The following BTBD9 variants were observed in gnomAD, a reference collection of about 807,000 sequenced individuals.
BTBD9 encodes BTB/POZ domain-containing protein 9.
A neutral mutation model predicts 64.3 loss-of-function variants in BTBD9; 49 were observed. The observed-to-expected ratio is 0.76, with a 90% CI of 0.61 to 0.97. The LOEUF is 0.97. BTBD9 is among the 50% of genes least tolerant of loss of function. The pLI is 0.00. For synonymous variants in BTBD9, 260 were observed against 274.7 expected (o/e 0.95, Z 0.53); for missense variants, 598 against 762.1 (o/e 0.78, Z 2.53).
In BTBD9 at chr6:38,369,694, C is replaced by G. The variant is rs572272302; in HGVS notation, c.1155-24601G>C. 2.0e-5 allele frequency among the ~76,000 whole-genome samples: 3 copies of G among 152,298 alleles called. No homozygotes were observed. The South Asian group carries it at 6.2e-4, about 32-fold the overall frequency. The stretch of plus-strand genomic sequence containing the variant: ...GAAGGAATACAAGAAATATCTTGGG[C>G]AAAATTGGAGCTTTAGCTCTGCTGC... On this transcript the variant is annotated intron_variant, in intron 6 of 10. Transcript: ENST00000481247.
chr6:38,395,475 C>T (rs11964509), intron 6 of BTBD9, among the ~76,000 whole-genome samples: 5,554 of 152,170 alleles, frequency 0.036, 352 homozygotes, highest in African/African-American at 0.13. Flanking sequence ...TGCTAGAAAG[C>T]GCCACCTATA....
intron 7 of BTBD9, among the ~76,000 whole-genome samples, chr6:38,338,333 T>C (rs1763975386): frequency 6.6e-6 from 1 of 152,188 alleles, no homozygotes; most frequent in Non-Finnish European, 1.5e-5. Context: ...TTAAAACTTA[T>C]GAATTGTTTA....
intron 6 of BTBD9, among the ~76,000 whole-genome samples, chr6:38,421,442 T>C (rs930106696): frequency 2.6e-5 from 4 of 152,252 alleles, no homozygotes; most frequent in African/African-American, 9.6e-5. Flanking sequence ...CATTTGTTTT[T>C]AAACATGTGT....
At chr6:38,397,196 C>T (rs1009862660) in intron 6 of BTBD9, among the ~76,000 whole-genome samples, 13 of 152,234 alleles carry the variant, frequency 8.5e-5, no homozygotes, top group Non-Finnish European at 1.6e-4. Flanking sequence ...GCCACTGCAC[C>T]GTCTCACTTG....
chr6:38,544,927 C>CAAAAAAAAAAAAAA (rs58694810), intron 6 of BTBD9, among the ~76,000 whole-genome samples: 1 of 48,300 alleles, frequency 2.1e-5, no homozygotes, highest in African/African-American at 7.5e-5. Flanking sequence ...AACTACATCT[C>CAAAAAAAAAAAAAA]AAAAAAAAAA....
rs200781823 is a variant in BTBD9 at position 38,316,408 on chromosome 6, A to AT, written c.1265-27948dup. ...TTCTGTCATCTTTTTAGTGAAGGTG[A>AT]TTTTTTCTGGTGCTATGTTTTAATT... is the stretch of plus-strand genomic sequence containing the variant. On this transcript the variant is annotated intron_variant, in intron 7 of 10. Transcript: ENST00000481247. 6.7e-3 allele frequency among the ~76,000 whole-genome samples: 1,017 copies of AT among 151,260 alleles called. 12 individuals are homozygous for AT. The highest frequency in any genetic ancestry group is 0.023 in the African/African-American group (932 of 41,204).
intron 7 of BTBD9, among the ~76,000 whole-genome samples, chr6:38,327,954 C>T (rs907242112): frequency 2.0e-5 from 3 of 152,200 alleles, no homozygotes; most frequent in East Asian, 1.9e-4. Flanking sequence ...TTTGGGAGCG[C>T]GTGGAGTGCT....
chr6:38,544,059 T>C (rs1774416042), intron 6 of BTBD9, among the ~76,000 whole-genome samples: 1 of 151,996 alleles, frequency 6.6e-6, no homozygotes, highest in Admixed American at 6.6e-5. Flanking sequence ...GCTCTCCATA[T>C]CCATGGATTC....
intron 6 of BTBD9, among the ~76,000 whole-genome samples, chr6:38,516,446 G>A (rs1773030713): frequency 6.6e-6 from 1 of 152,172 alleles, no homozygotes; most frequent in African/African-American, 2.4e-5. Flanking sequence ...AATCTGGATG[G>A]CACAAACTAC....
chr6:38,406,227 A>C (rs1297774947), intron 6 of BTBD9, among the ~76,000 whole-genome samples: 1 of 152,208 alleles, frequency 6.6e-6, no homozygotes, highest in Admixed American at 6.5e-5. Flanking sequence ...CTAACATTTT[A>C]GAGTCCCAGA....
chr6:38,475,387 T>G (rs569549863), intron 6 of BTBD9, among the ~76,000 whole-genome samples: 1 of 152,314 alleles, frequency 6.6e-6, no homozygotes, highest in South Asian at 2.1e-4. Context: ...TTTGTTCAAA[T>G]CTGTGGCTGT....
At chr6:38,302,485 G>GTGTGTATATATATA (rs1554137022) in intron 7 of BTBD9, among the ~76,000 whole-genome samples, 1 of 106,892 alleles carries the variant, frequency 9.4e-6, no homozygotes, top group African/African-American at 3.5e-5. Flanking sequence ...TTGTGTGTAT[G>GTGTGTATATATATA]TATATATATA....
intron 9 of BTBD9, among the ~76,000 whole-genome samples, chr6:38,221,198 G>A (rs571038285): frequency 6.6e-6 from 1 of 152,248 alleles, no homozygotes; most frequent in East Asian, 1.9e-4. Flanking sequence ...GTCCCTTGGG[G>A]TATCATTTCA....
chr6:38,377,148 T>C (rs1765723115), intron 6 of BTBD9, among the ~76,000 whole-genome samples: 1 of 152,232 alleles, frequency 6.6e-6, no homozygotes, highest in Non-Finnish European at 1.5e-5. Flanking sequence ...TTCAAAGTGC[T>C]ACCAGTCGAT....
chr6:38,570,926 C>A (rs557687375), intron 6 of BTBD9, among the ~76,000 whole-genome samples: 2 of 152,276 alleles, frequency 1.3e-5, no homozygotes, highest in African/African-American at 2.4e-5. Flanking sequence ...TTTTTAAATT[C>A]TCTTTAGCTT....
intron 6 of BTBD9, among the ~76,000 whole-genome samples, chr6:38,487,805 C>T (rs1022899508): frequency 7.2e-5 from 11 of 152,062 alleles, no homozygotes; most frequent in African/African-American, 2.4e-4. Flanking sequence ...CAAACTATGG[C>T]CTGCGAGCCA....
chr6:38,179,234 TAAC>T (rs1396974914), intron 10 of BTBD9: 1 of 341,146 alleles, frequency 2.9e-6, no homozygotes, highest in African/African-American at 2.1e-5. Flanking sequence ...CAAATTCAAA[TAAC>T]AAGTATTTTA....
At chr6:38,221,280 T>G (rs1763187987) in intron 9 of BTBD9, among the ~76,000 whole-genome samples, 1 of 152,150 alleles carries the variant, frequency 6.6e-6, no homozygotes, top group East Asian at 1.9e-4. Flanking sequence ...CTAATTGATA[T>G]GTCAAACCTC....
intron 1 of BTBD9, among the ~76,000 whole-genome samples, chr6:38,618,107 C>G (rs1395361656): frequency 6.6e-6 from 1 of 152,206 alleles, no homozygotes; most frequent in Non-Finnish European, 1.5e-5. Context: ...GGGAAAAATA[C>G]AGACCAAAAC....
Sources: allele counts gnomAD v4.1 joint callset (sites outside exome capture counted in the v4.1 genomes callset), GRCh38; gene constraint gnomAD v4.1.1; transcripts MANE v1.5; gene names NCBI Gene and HGNC (gene_info 2026-07-23, HGNC 2026-07-21).